HFM1: variants seen among roughly 807,000 people sequenced by gnomAD.
HFM1 encodes probable ATP-dependent DNA helicase HFM1.
HFM1 carries 169 observed loss-of-function variants against 192.1 expected under a neutral mutation model. The observed-to-expected ratio is 0.88, with a 90% CI of 0.78 to 1.00. The LOEUF is 1.00. Ranked by LOEUF, HFM1 falls within the 50% of genes least tolerant of loss-of-function variation. The pLI, the probability that HFM1 is intolerant of heterozygous loss-of-function variation, is 0.00. For missense variants in HFM1, 1,661 were observed against 1,668.0 expected (o/e 1.00, Z 0.07); for synonymous variants, 525 against 537.8 (o/e 0.98, Z 0.33).
intron 18 of HFM1, 67 bp downstream of exon 18, chr1:91,350,671 T>TA (rs1197704354): frequency 2.9e-5 from 41 of 1,436,036 alleles, no homozygotes; most frequent in Non-Finnish European, 3.9e-5. Flanking sequence ...TCCTGTAACT[T>TA]ATTAGTATAA....
chr1:91,357,120 G>A (rs1314392937), intron 13 of HFM1, among the ~76,000 whole-genome samples: 3 of 152,090 alleles, frequency 2.0e-5, no homozygotes, highest in Non-Finnish European at 2.9e-5. Context: ...CTACTATCAC[G>A]TTGATACCTA....
intron 30 of HFM1, among the ~76,000 whole-genome samples, chr1:91,290,602 G>A (rs1318295675): frequency 6.6e-6 from 1 of 152,054 alleles, no homozygotes; most frequent in Non-Finnish European, 1.5e-5. Context: ...ATTAATAATA[G>A]GAGACTTTAA....
chr1:91,284,202 T>C (rs1045018035), intron 30 of HFM1, among the ~76,000 whole-genome samples: 5 of 151,766 alleles, frequency 3.3e-5, no homozygotes, highest in African/African-American at 1.2e-4. Context: ...GGCTTTATCC[T>C]TGTATTCATT....
intron 12 of HFM1, 38 bp from the exon 13 acceptor site, chr1:91,375,484 A>G (rs1396741972): frequency 1.9e-6 from 3 of 1,610,192 alleles, no homozygotes; most frequent in Non-Finnish European, 1.7e-6. Flanking sequence ...TAATCATGTT[A>G]AAAACTGAAT....
rs376142463 is a variant in HFM1, at chr1:91,274,743, G to A, written c.3655C>T (p.Pro1219Ser). 1 of 1,517,700 alleles carries A rather than the reference G, an allele frequency of 6.6e-7. No individual in the cohort carries two copies. The highest frequency in any genetic ancestry group is 9.1e-7 in the Non-Finnish European group (1 of 1,094,530). 94.0% of individuals were successfully genotyped at this position (1,517,700 alleles called of 1,614,324 possible). ...EFGFTPKPSL[P>S]SISRSEYLNI... is the part of the protein sequence containing the mutation. ...TTATATTTGTACCTTGATATACTAG[G>A]AAGGGAAGGTTTTGGAGTAAAACCA... The change falls in exon 33 of 39, where the codon CCT (proline) becomes TCT (serine). Residue 1219 changes from proline to serine, a missense_variant. Transcript: ENST00000370425.
At chr1:91,361,224 G>GA (rs757949223) in intron 13 of HFM1, among the ~76,000 whole-genome samples, 20 of 147,496 alleles carry the variant, frequency 1.4e-4, no homozygotes, top group Non-Finnish European at 2.5e-4. Flanking sequence ...ATAGAGACAT[G>GA]AAAAAACCCT....
At position 91,315,856 on chromosome 1, in the gene HFM1, T is replaced by G. The variant is rs281992; in HGVS notation, c.3099A>C (p.Ile1033=). 0.68 allele frequency: 1,086,061 copies of G among 1,607,732 alleles called. 369,355 individuals carry two copies. Among genetic ancestry groups the G allele is most frequent in the East Asian group, 0.84 (37,560 of 44,710 alleles). ...AAACTACTTGATTATCTGCGTCACC[T>G]ATGATTAAGGTAACATAGTGAGAAT... is the stretch of plus-strand genomic sequence containing the variant. ...ASDSHYVTLI[I]GDADNQVVYL... Residue 1033 remains isoleucine, a synonymous_variant, in exon 28 of 39, where the codon ATA becomes ATC. Coordinates refer to ENST00000370425, the MANE Select transcript of HFM1 (RefSeq NM_001017975.6).
chr1:91,292,750 T>A (rs1028946027), intron 30 of HFM1, among the ~76,000 whole-genome samples: 112 of 152,148 alleles, frequency 7.4e-4, no homozygotes, highest in Middle Eastern at 6.8e-3. Context: ...ACCAAGTCAA[T>A]CCTAAGCCAA....
intron 13 of HFM1, among the ~76,000 whole-genome samples, chr1:91,372,710 T>C (rs1014490406): frequency 1.3e-5 from 2 of 152,294 alleles, no homozygotes; most frequent in East Asian, 3.9e-4. Context: ...GTTGTGCACA[T>C]GTACCCTAAA....
At chr1:91,353,394 A>C (rs1657226990) in intron 13 of HFM1, 95 bp from the exon 14 acceptor site, 2 of 639,802 alleles carry the variant, frequency 3.1e-6, no homozygotes, top group South Asian at 5.2e-5. Flanking sequence ...GATATCAAAA[A>C]ATTTTCACAA....
Position 91,276,599 on chromosome 1 carries a change from A to G in HFM1, c.3588+29T>C, listed in dbSNP as rs778122891. 1.8e-5 allele frequency: 20 copies of G among 1,097,076 alleles called. No homozygotes were observed. The South Asian group carries it at 2.9e-4, about 16-fold the overall frequency. The allele number at this position is 1,097,076 out of a possible 1,614,324, so 68.0% of individuals were successfully genotyped here. On this transcript the variant is annotated intron_variant, in intron 32 of 38. Transcript: ENST00000370425. ...ATATTTATATACGTTTAACTACAGA[A>G]CAATGGGAAAAATGTTATTAAAACT... is the stretch of plus-strand genomic sequence containing the variant.
chr1:91,398,936 G>A (rs926021467), intron 2 of HFM1, among the ~76,000 whole-genome samples: 5 of 151,894 alleles, frequency 3.3e-5, no homozygotes, highest in Admixed American at 6.6e-5. Flanking sequence ...CAAGTGATTC[G>A]CCCACCTCAA....
intron 19 of HFM1, among the ~76,000 whole-genome samples, chr1:91,343,980 ATG>A (rs1303234435): frequency 6.6e-6 from 1 of 152,238 alleles, no homozygotes; most frequent in African/African-American, 2.4e-5. Context: ...AGATATATTA[ATG>A]TATGCACAAA....
intron 30 of HFM1, among the ~76,000 whole-genome samples, chr1:91,293,852 T>A (rs1217161489): frequency 2.7e-5 from 4 of 148,936 alleles, no homozygotes; most frequent in Non-Finnish European, 6.0e-5. Context: ...ATATACACCA[T>A]GGAATACTAT....
At position 91,262,486 on chromosome 1, in the gene HFM1, C is replaced by CT. The variant is rs1665262631; in HGVS notation, c.4080dup (p.Val1361SerfsTer18). ...AAAGAAGTGCTTCTTCTTACAATAA[C>CT]TGCATTTCCGGCTTGTTGAGGTAAT... On this transcript the variant is annotated frameshift_variant, in exon 37 of 39. Transcript: ENST00000370425. LOFTEE classifies it high-confidence loss of function. 6.3e-7 allele frequency: 1 copy of CT among 1,591,508 alleles called. No homozygotes were observed.
intron 20 of HFM1, among the ~76,000 whole-genome samples, chr1:91,327,549 C>G (rs1277856794): frequency 6.6e-6 from 1 of 152,136 alleles, no homozygotes; most frequent in African/African-American, 2.4e-5. Context: ...GACTTCACCC[C>G]ACTTTCAGCA....
At chr1:91,371,287 A>C (rs1337488214) in intron 13 of HFM1, among the ~76,000 whole-genome samples, 1,576 of 88,844 alleles carry the variant, frequency 0.018, no homozygotes, top group Middle Eastern at 0.025. Context: ...TTGCCAAGTC[A>C]ATTCTATGCC....
chr1:91,390,519 C>G (rs1311117335), intron 4 of HFM1, among the ~76,000 whole-genome samples: 1 of 151,164 alleles, frequency 6.6e-6, no homozygotes, highest in Non-Finnish European at 1.5e-5. Context: ...TGATACATAA[C>G]ACAACATGCA....
chr1:91,364,632 A>ATATTTTTTT (rs753472335), intron 13 of HFM1, among the ~76,000 whole-genome samples: 3 of 66,784 alleles, frequency 4.5e-5, no homozygotes, highest in East Asian at 5.0e-4. Flanking sequence ...ATATATATAT[A>ATATTTTTTT]TTTTTTTTTT....
Sources: allele counts gnomAD v4.1 joint callset (sites outside exome capture counted in the v4.1 genomes callset), GRCh38; gene constraint gnomAD v4.1.1; transcripts MANE v1.5; gene names NCBI Gene and HGNC (gene_info 2026-07-23, HGNC 2026-07-21).